Variants in MACROD2 observed in about 807,000 individuals in gnomAD.
MACROD2 encodes the protein mono-ADP ribosylhydrolase 2, also known as ADP-ribose glycohydrolase MACROD2.
A neutral mutation model predicts 70.4 loss-of-function variants in MACROD2; 36 were observed. The ratio of observed to expected loss-of-function variants is 0.51; its 90% CI spans 0.39 to 0.68. MACROD2 has a LOEUF of 0.68. Among genes scored for constraint, MACROD2 ranks in the 30% least tolerant of loss-of-function variants. The pLI is 0.00. For synonymous variants in MACROD2, 172 were observed against 178.8 expected (o/e 0.96, Z 0.30); for missense variants, 496 against 538.4 (o/e 0.92, Z 0.78).
intron 17 of MACROD2, among the ~76,000 whole-genome samples, chr20:16,045,689 G>A (rs1334461277): frequency 1.3e-4 from 20 of 152,012 alleles, no homozygotes; most frequent in Admixed American, 1.3e-3. Context: ...TCTCTTCGGT[G>A]GTTAGTTTTG....
intron 6 of MACROD2, among the ~76,000 whole-genome samples, chr20:15,286,662 AAGTAAGGTCGCCATTT>A (rs1036620843): frequency 5.9e-5 from 9 of 152,166 alleles, no homozygotes; most frequent in Non-Finnish European, 1.2e-4. Context: ...TAGTGGGGTG[AAGTAAGGTCGCCATTT>A]AGTAAATAGC....
intron 3 of MACROD2, among the ~76,000 whole-genome samples, chr20:14,211,586 G>C (rs773649401): frequency 6.6e-6 from 1 of 152,160 alleles, no homozygotes; most frequent in South Asian, 2.1e-4. Flanking sequence ...AGTATAGATT[G>C]TAAGTATGCA....
At position 15,798,614 on chromosome 20, in the gene MACROD2, T is replaced by C. The variant is rs112480380; in HGVS notation, c.646-64131T>C. Reference sequence around the variant, plus strand: ...TCACCTTGACAAGGAAATGACATGGTCACATTATAGAAGGGTATGTATGAT... The same window carrying C: ...TCACCTTGACAAGGAAATGACATGGCCACATTATAGAAGGGTATGTATGAT... On this transcript the variant is annotated intron_variant, in intron 8 of 17. Transcript: ENST00000684519. 8.5e-3 allele frequency among the ~76,000 whole-genome samples: 1,287 copies of C among 152,282 alleles called. 21 individuals are homozygous for C. Among genetic ancestry groups the C allele is most frequent in the African/African-American group, 0.029 (1,211 of 41,554 alleles).
chr20:14,039,072 C>T (rs1183109571), intron 2 of MACROD2, among the ~76,000 whole-genome samples: 1 of 152,116 alleles, frequency 6.6e-6, no homozygotes, highest in Non-Finnish European at 1.5e-5. Context: ...TGTGAAGCTA[C>T]ACATAAAAGT....
At chr20:15,560,762 C>CAAAAAA (rs71190190) in intron 8 of MACROD2, among the ~76,000 whole-genome samples, 5 of 22,086 alleles carry the variant, frequency 2.3e-4, no homozygotes, top group African/African-American at 4.5e-4. Context: ...AACAAAGTCT[C>CAAAAAA]AAAAAAAAAA....
At chr20:15,670,292 C>T (rs963044234) in intron 8 of MACROD2, among the ~76,000 whole-genome samples, 2 of 152,142 alleles carry the variant, frequency 1.3e-5, no homozygotes, top group African/African-American at 2.4e-5. Flanking sequence ...CTGGCTGGCA[C>T]GACATTGTCC....
At chr20:15,243,931 C>CA (rs1040197572) in intron 6 of MACROD2, among the ~76,000 whole-genome samples, 3 of 150,064 alleles carry the variant, frequency 2.0e-5, no homozygotes, top group African/African-American at 4.9e-5. Flanking sequence ...ATCTCAAAAA[C>CA]AAAAAAAAGA....
chr20:14,049,190 C>CA lies in MACROD2; in HGVS notation c.164-36424dup, dbSNP rs1182272964. Reference sequence around the variant, plus strand: ...TATATTTAATAAAAAAAAAAAAAAACAAAAAAACAAAAAAGCCTATAACAG... The same window carrying CA: ...TATATTTAATAAAAAAAAAAAAAAACAAAAAAAACAAAAAAGCCTATAACAG... On this transcript the variant is annotated intron_variant, in intron 2 of 17. Transcript: ENST00000684519. Among the ~76,000 whole-genome samples the CA allele has an allele frequency of 3.7e-4, 50 of 134,868 alleles. 1 individual carries two copies. Among genetic ancestry groups the CA allele is most frequent in the East Asian group, 2.2e-3 (10 of 4,560 alleles). 88.5% of individuals were successfully genotyped at this position (134,868 alleles called of 152,430 possible). A position where few individuals can be genotyped will look rare whatever the true frequency, so the allele number is the denominator to read the frequency against.
intron 8 of MACROD2, among the ~76,000 whole-genome samples, chr20:15,743,701 G>C (rs1447706081): frequency 1.3e-5 from 2 of 152,004 alleles, no homozygotes; most frequent in Non-Finnish European, 2.9e-5. Context: ...ACTTGTGTTT[G>C]AGCCAATCTA....
At chr20:14,978,367 C>T (rs541771517) in intron 5 of MACROD2, among the ~76,000 whole-genome samples, 22 of 57,936 alleles carry the variant, frequency 3.8e-4, no homozygotes, top group East Asian at 2.1e-3. Flanking sequence ...TCCCCCTCTC[C>T]GCGCCCCGCC....
intron 2 of MACROD2, among the ~76,000 whole-genome samples, chr20:14,047,613 C>T (rs948261751): frequency 2.6e-5 from 4 of 151,932 alleles, no homozygotes; most frequent in African/African-American, 7.3e-5. Context: ...ATCTTGTACT[C>T]ATGTGTATAT....
chr20:14,992,921 T>G (rs1327701775), intron 5 of MACROD2, among the ~76,000 whole-genome samples: 1 of 152,128 alleles, frequency 6.6e-6, no homozygotes, highest in East Asian at 1.9e-4. Context: ...AATCCTGTGA[T>G]TCCACTAGAA....
At chr20:14,250,029 A>G (rs1014184696) in intron 3 of MACROD2, among the ~76,000 whole-genome samples, 3 of 152,098 alleles carry the variant, frequency 2.0e-5, no homozygotes, top group Non-Finnish European at 4.4e-5. Context: ...ATATGGGAGA[A>G]TAACTTTACA....
intron 3 of MACROD2, among the ~76,000 whole-genome samples, chr20:14,169,887 C>G (rs1221299364): frequency 6.6e-6 from 1 of 151,728 alleles, no homozygotes; most frequent in African/African-American, 2.4e-5. Context: ...TCTTAAGAAC[C>G]TCTGTTAACT....
At chr20:14,457,265 A>T (rs920384658) in intron 3 of MACROD2, among the ~76,000 whole-genome samples, 1 of 151,980 alleles carries the variant, frequency 6.6e-6, no homozygotes, top group South Asian at 2.1e-4. Context: ...ATTAGTTTTG[A>T]TTCTGAATGA....
intron 3 of MACROD2, among the ~76,000 whole-genome samples, chr20:14,376,121 G>T (rs2083368102): frequency 6.6e-6 from 1 of 152,104 alleles, no homozygotes; most frequent in Non-Finnish European, 1.5e-5. Context: ...CTGATGCATT[G>T]TTAAGGTGGG....
At chr20:14,952,948 G>A (rs1600865442) in intron 5 of MACROD2, among the ~76,000 whole-genome samples, 1 of 152,056 alleles carries the variant, frequency 6.6e-6, no homozygotes, top group African/African-American at 2.4e-5. Context: ...GAGACAGGGA[G>A]CAAGAAAGAA....
intron 6 of MACROD2, among the ~76,000 whole-genome samples, chr20:15,304,545 C>G (rs1437667657): frequency 1.3e-5 from 2 of 152,098 alleles, no homozygotes; most frequent in African/African-American, 2.4e-5. Context: ...CCCAGTACCC[C>G]TCCCCATCTC....
At chr20:15,586,586 T>A (rs1332890534) in intron 8 of MACROD2, among the ~76,000 whole-genome samples, 1 of 152,194 alleles carries the variant, frequency 6.6e-6, no homozygotes, top group Admixed American at 6.5e-5. Flanking sequence ...AGGAAAACAC[T>A]GGAACATTTC....
Sources: allele counts gnomAD v4.1 joint callset (sites outside exome capture counted in the v4.1 genomes callset), GRCh38; gene constraint gnomAD v4.1.1; transcripts MANE v1.5; gene names NCBI Gene and HGNC (gene_info 2026-07-23, HGNC 2026-07-21).